Variants in PTPRC observed in about 807,000 individuals in gnomAD.
The protein encoded by PTPRC is protein tyrosine phosphatase receptor type C, also known as receptor-type tyrosine-protein phosphatase C.
In PTPRC, 44 loss-of-function variants were observed where a neutral mutation model predicts 155.9. The ratio of observed to expected loss-of-function variants is 0.28; its 90% CI spans 0.22 to 0.36. The LOEUF is 0.36. Ranked by LOEUF, PTPRC falls within the 10% of genes least tolerant of loss-of-function variation. The pLI, the probability that PTPRC is intolerant of heterozygous loss-of-function variation, is 1.00. For missense variants in PTPRC, 1,401 were observed against 1,564.6 expected (o/e 0.90, Z 1.76); for synonymous variants, 525 against 533.1 (o/e 0.98, Z 0.21).
chr1:198,689,850 C>T (rs755090113), intron 2 of PTPRC, among the ~76,000 whole-genome samples: 2 of 152,034 alleles, frequency 1.3e-5, no homozygotes, highest in South Asian at 4.2e-4. Context: ...GATTATTAGT[C>T]TTAATCAGGT....
chr1:198,734,062 C>G lies in PTPRC; in HGVS notation c.2143-134C>G, dbSNP rs530339042. On this transcript the variant is annotated intron_variant, in intron 20 of 32. Transcript: ENST00000442510. ...ACCAATTAATAAGATTCCCTTAATA[C>G]TTTGAAACTGCCCAGAGAAATTCAC... 5.6e-5 allele frequency: 47 copies of G among 844,722 alleles called. No homozygotes were observed. In the African/African-American group the frequency reaches 7.7e-4, roughly 14 times the overall value. 52.3% of individuals were successfully genotyped at this position (844,722 alleles called of 1,614,324 possible).
chr1:198,718,356 T>C lies in PTPRC; in HGVS notation c.1659+54T>C, dbSNP rs576976095. 3 of 1,382,668 alleles carry C rather than the reference T, an allele frequency of 2.2e-6. No homozygotes were observed. In the African/African-American group the frequency reaches 4.3e-5, roughly 20 times the overall value. 85.6% of individuals were successfully genotyped at this position (1,382,668 alleles called of 1,614,324 possible). On this transcript the variant is annotated intron_variant, in intron 14 of 32. Transcript: ENST00000442510. Reference sequence around the variant, plus strand: ...GTACCAACTACATTATAATGATTGATTCATAGTACTTAAATAACTTTAAGA... The same window carrying C: ...GTACCAACTACATTATAATGATTGACTCATAGTACTTAAATAACTTTAAGA...
intron 4 of PTPRC, 26 bp from the exon 5 acceptor site, chr1:198,699,538 G>T: frequency 6.2e-7 from 1 of 1,614,042 alleles, no homozygotes. Context: ...GAAGACTGAT[G>T]TAATGATCTC....
intron 2 of PTPRC, among the ~76,000 whole-genome samples, chr1:198,640,970 A>G (rs1662549093): frequency 6.6e-6 from 1 of 152,002 alleles, no homozygotes; most frequent in South Asian, 2.1e-4. Context: ...TAACCATAAG[A>G]CACATCTTTG....
At chr1:198,685,589 A>G (rs1665574244) in intron 2 of PTPRC, among the ~76,000 whole-genome samples, 1 of 151,908 alleles carries the variant, frequency 6.6e-6, no homozygotes, top group Non-Finnish European at 1.5e-5. Context: ...GATTTGTTAG[A>G]TTTATTGTCT....
Position 198,722,416 on chromosome 1 carries a change from G to A in PTPRC, c.1660G>A (p.Ala554Thr). ...LQYSTDYTFK[A>T]YFHNGDYPGE... is the part of the protein sequence containing the mutation. ...TTTATTTTTTGTTACTGAAATTCAG[G>A]CCTATTTTCACAATGGAGACTATCC... Residue 554 changes from alanine (A) to threonine (T), a missense_variant and splice_region_variant, in exon 15 of 33, where the codon GCC becomes ACC. Transcript: ENST00000442510. 2 of 1,431,992 alleles carry A rather than the reference G, an allele frequency of 1.4e-6. No individual in the cohort carries two copies. The highest frequency in any genetic ancestry group is 9.2e-7 in the Non-Finnish European group (1 of 1,083,064). The allele number at this position is 1,431,992 out of a possible 1,614,324, so 88.7% of individuals were successfully genotyped here.
At chr1:198,729,098 T>G in intron 16 of PTPRC, 39 bp from the exon 17 acceptor site, 1 of 1,604,028 alleles carries the variant, frequency 6.2e-7, no homozygotes. Context: ...ATTTTGTGCT[T>G]CTTGAGAATA....
At chr1:198,645,724 A>G (rs1263048512) in intron 2 of PTPRC, among the ~76,000 whole-genome samples, 3 of 151,842 alleles carry the variant, frequency 2.0e-5, no homozygotes, top group Non-Finnish European at 2.9e-5. Context: ...GGGATAGTTT[A>G]AGGTTAAGTG....
chr1:198,709,115 CA>C (rs960907023), intron 10 of PTPRC, among the ~76,000 whole-genome samples: 2 of 152,152 alleles, frequency 1.3e-5, no homozygotes, highest in Non-Finnish European at 2.9e-5. Context: ...GGTGCAATTT[CA>C]ACTTTAAGTT....
intron 23 of PTPRC, among the ~76,000 whole-genome samples, chr1:198,735,771 C>A (rs541838644): frequency 1.3e-5 from 2 of 151,446 alleles, no homozygotes; most frequent in Admixed American, 1.3e-4. Flanking sequence ...TTATATAATT[C>A]CATTATATGA....
At chr1:198,679,606 T>C in intron 2 of PTPRC, 1 of 215,656 alleles carries the variant, frequency 4.6e-6, no homozygotes, top group Non-Finnish European at 9.7e-6. Context: ...ATTTTGAATT[T>C]GCCACTGTGG....
At position 198,732,526 on chromosome 1, in the gene PTPRC, G is replaced by A; in HGVS notation, c.2112G>A (p.Gly704=). 6.2e-7 allele frequency: 1 copy of A among 1,610,578 alleles called. No individual in the cohort carries two copies. The highest frequency in any genetic ancestry group is 1.1e-5 in the South Asian group (1 of 90,972). The part of the protein sequence containing the change: ...VELSEINGDA[G]SNYINASYID... The stretch of plus-strand genomic sequence containing the variant: ...TCTCTGAGATAAACGGAGATGCAGG[G>A]TCAAACTACATAAATGCCAGCTATA... Residue 704 remains glycine, a synonymous_variant, in exon 20 of 33, where the codon GGG becomes GGA. Transcript: ENST00000442510.
chr1:198,685,205 A>T (rs1317823825), intron 2 of PTPRC, among the ~76,000 whole-genome samples: 2 of 151,982 alleles, frequency 1.3e-5, no homozygotes, highest in African/African-American at 4.8e-5. Flanking sequence ...ATTTTAACAT[A>T]ACGTCTACAT....
At chr1:198,681,320 C>A (rs1395239543) in intron 2 of PTPRC, among the ~76,000 whole-genome samples, 2 of 152,120 alleles carry the variant, frequency 1.3e-5, no homozygotes, top group Non-Finnish European at 2.9e-5. Flanking sequence ...TGCAGGGTAT[C>A]AGGGAATGTG....
intron 14 of PTPRC, among the ~76,000 whole-genome samples, chr1:198,720,625 G>C (rs1653842892): frequency 6.6e-6 from 1 of 152,048 alleles, no homozygotes. Context: ...TACTGTGCCA[G>C]GCCTATATTA....
At position 198,732,293 on chromosome 1, in the gene PTPRC, C is replaced by T. The variant is rs1558028614; in HGVS notation, c.1975-7C>T. The T allele has an allele frequency of 1.9e-6, 3 of 1,609,602 alleles. No homozygotes were observed. Among genetic ancestry groups the T allele is most frequent in the Non-Finnish European group, 8.5e-7 (1 of 1,176,600 alleles). ...GCTGTGATCCAAGAAATCGTTGTTT[C>T]TTTCAGAGCATCCCGCGGGTGTTCA... On this transcript the variant is annotated splice_region_variant and splice_polypyrimidine_tract_variant and intron_variant, in intron 18 of 32. Coordinates refer to ENST00000442510, the MANE Select transcript of PTPRC (RefSeq NM_002838.5).
chr1:198,720,157 T>C (rs1437323789), intron 14 of PTPRC, among the ~76,000 whole-genome samples: 3 of 152,092 alleles, frequency 2.0e-5, no homozygotes, highest in African/African-American at 7.2e-5. Context: ...CAGCCTATTA[T>C]TGTCTTTATT....
chr1:198,661,546 C>T (rs961914672), intron 2 of PTPRC, among the ~76,000 whole-genome samples: 1 of 151,668 alleles, frequency 6.6e-6, no homozygotes, highest in Non-Finnish European at 1.5e-5. Context: ...CATTAATTTT[C>T]TACTAATGAG....
chr1:198,689,887 G>C (rs1300895749), intron 2 of PTPRC, among the ~76,000 whole-genome samples: 1 of 152,110 alleles, frequency 6.6e-6, no homozygotes, highest in Admixed American at 6.6e-5. Flanking sequence ...TGTCATTGCA[G>C]ATGACTAGAT....
Sources: gnomAD v4.1 joint callset for allele counts (sites outside exome capture counted in the v4.1 genomes callset) on GRCh38, gnomAD v4.1.1 for gene constraint, MANE v1.5 for transcripts, NCBI Gene and HGNC (gene_info 2026-07-23, HGNC 2026-07-21) for gene names.